The following SAMD12 variants were observed in gnomAD, a reference collection of about 807,000 sequenced individuals.
The protein encoded by SAMD12 is sterile alpha motif domain containing 12.
In SAMD12, 9 loss-of-function variants were observed where a neutral mutation model predicts 15.0. The ratio of observed to expected loss-of-function variants is 0.60; its 90% confidence interval spans 0.36 to 1.05. The LOEUF is 1.05. Ranked by LOEUF, SAMD12 falls within the 50% of genes least tolerant of loss-of-function variation. The pLI, the probability that SAMD12 is intolerant of heterozygous loss-of-function variation, is 0.01. For missense variants in SAMD12, 230 were observed against 234.2 expected (o/e 0.98, Z 0.12); for synonymous variants, 86 against 90.1 (o/e 0.96, Z 0.25).
chr8:118,360,729 G>A (rs892096526), intron 4 of SAMD12, among the ~76,000 whole-genome samples: 15 of 152,186 alleles, frequency 9.9e-5, no homozygotes, highest in Non-Finnish European at 1.5e-4. Flanking sequence ...AAAGTCTAAA[G>A]CAAACTCTAC....
chr8:118,352,109 C>T (rs1346877670), intron 4 of SAMD12, among the ~76,000 whole-genome samples: 4 of 152,182 alleles, frequency 2.6e-5, no homozygotes, highest in African/African-American at 9.7e-5. Flanking sequence ...TAACACTGTG[C>T]ACATTTACAA....
At chr8:118,544,596 T>G (rs1448942045) in intron 2 of SAMD12, among the ~76,000 whole-genome samples, 1 of 152,188 alleles carries the variant, frequency 6.6e-6, no homozygotes. Context: ...AAAATCACAC[T>G]GAAACTAAAG....
exon 5 of SAMD12, chr8:118,189,644 G>A (rs1586324181): frequency 6.6e-6 from 1 of 152,000 alleles, no homozygotes; most frequent in Non-Finnish European, 1.5e-5. Context: ...TTTTATAAGA[G>A]TCATGCCCCC....
chr8:118,152,756 C>T, the SAMD12 span, among the ~76,000 whole-genome samples: 1 of 152,128 alleles, frequency 6.6e-6, no homozygotes, highest in Non-Finnish European at 1.5e-5. Flanking sequence ...CCCTCGGCCT[C>T]CCACAGTGCT....
intron 1 of SAMD12, among the ~76,000 whole-genome samples, chr8:118,586,860 T>C (rs1827461902): frequency 2.0e-5 from 3 of 152,220 alleles, no homozygotes; most frequent in African/African-American, 7.2e-5. Context: ...AGATACTGAT[T>C]GAATCCTACT....
At chr8:118,148,589 G>A in the SAMD12 span, among the ~76,000 whole-genome samples, 1 of 151,924 alleles carries the variant, frequency 6.6e-6, no homozygotes, top group African/African-American at 2.4e-5. Context: ...AATGATTTTT[G>A]GAAAATTTAC....
chr8:118,533,993 AG>A (rs1221516349), intron 2 of SAMD12, among the ~76,000 whole-genome samples: 4 of 152,146 alleles, frequency 2.6e-5, no homozygotes, highest in Non-Finnish European at 4.4e-5. Context: ...TTATGATGTT[AG>A]CTTGTTATTT....
intron 4 of SAMD12, among the ~76,000 whole-genome samples, chr8:118,348,348 C>T (rs987344758): frequency 2.6e-5 from 4 of 151,646 alleles, no homozygotes; most frequent in African/African-American, 7.3e-5. Flanking sequence ...GGGTTACGGG[C>T]GTGAGCCACT....
intron 3 of SAMD12, chr8:118,394,781 C>G (rs1386445169): frequency 6.6e-6 from 1 of 152,038 alleles, no homozygotes; most frequent in Non-Finnish European, 1.5e-5. Context: ...CTCTTTTATC[C>G]CAGAGATTAT....
At chr8:118,411,809 T>G (rs1369226547) in intron 3 of SAMD12, among the ~76,000 whole-genome samples, 1 of 152,112 alleles carries the variant, frequency 6.6e-6, no homozygotes, top group Non-Finnish European at 1.5e-5. Flanking sequence ...AAACACTGTG[T>G]GACAATTACT....
chr8:118,253,982 T>C (rs1812874104), intron 4 of SAMD12, among the ~76,000 whole-genome samples: 1 of 152,126 alleles, frequency 6.6e-6, no homozygotes, highest in African/African-American at 2.4e-5. Context: ...GTCCATTGTA[T>C]CCAAGAAAAT....
chr8:118,379,330 C>G lies in SAMD12; in HGVS notation c.*87G>C. 13 of 1,514,390 alleles carry G rather than the reference C, an allele frequency of 8.6e-6. No homozygotes were observed. The highest frequency in any genetic ancestry group is 8.8e-7 in the Non-Finnish European group (1 of 1,135,244). 93.8% of individuals were successfully genotyped at this position (1,514,390 alleles called of 1,614,324 possible). A position where few individuals can be genotyped will look rare whatever the true frequency, so the allele number is the denominator to read the frequency against. The stretch of plus-strand genomic sequence containing the variant: ...GTACGTGACCACCTTGAAGTTAGCT[C>G]AGGTAATTCTGTTTGCTCATCCATT... On this transcript the variant is annotated 3_prime_UTR_variant, in exon 4 of 4. Transcript: ENST00000314727.
At chr8:118,205,244 T>C (rs973051977) in intron 4 of SAMD12, among the ~76,000 whole-genome samples, 1 of 152,222 alleles carries the variant, frequency 6.6e-6, no homozygotes, top group African/African-American at 2.4e-5. Context: ...CCTTCACAAT[T>C]GAATAAGCCA....
intron 4 of SAMD12, among the ~76,000 whole-genome samples, chr8:118,371,674 A>G (rs184598598): frequency 6.6e-6 from 1 of 152,310 alleles, no homozygotes; most frequent in East Asian, 1.9e-4. Context: ...GAGATGTCAG[A>G]GAAATATTCA....
At chr8:118,598,103 T>A (rs922489227) in intron 1 of SAMD12, among the ~76,000 whole-genome samples, 1 of 152,230 alleles carries the variant, frequency 6.6e-6, no homozygotes, top group African/African-American at 2.4e-5. Context: ...TAAGGTCCGA[T>A]AAATGTATGC....
chr8:118,379,430 C>T lies in SAMD12; in HGVS notation c.593G>A (p.Ser198Asn). 1 of 1,613,368 alleles carries T rather than the reference C, an allele frequency of 6.2e-7. No individual in the cohort carries two copies. The highest frequency in any genetic ancestry group is 8.5e-7 in the Non-Finnish European group (1 of 1,179,622). Residue 198 changes from serine (S) to asparagine (N), a missense_variant, in exon 4 of 4, where the codon AGT becomes AAT. Coordinates refer to ENST00000314727, the MANE Select transcript of SAMD12 (RefSeq NM_207506.3). ...FLHRISIIEN[S>N]IQI Reference sequence around the variant, plus strand: ...AGGGAAGTAATCTTAAATCTGTATACTATTTTCTATGATGGAAATTCTGTG... The same window carrying T: ...AGGGAAGTAATCTTAAATCTGTATATTATTTTCTATGATGGAAATTCTGTG...
At chr8:118,486,397 C>G (rs531318178) in intron 2 of SAMD12, among the ~76,000 whole-genome samples, 6 of 145,412 alleles carry the variant, frequency 4.1e-5, no homozygotes, top group East Asian at 2.1e-4. Flanking sequence ...GCCTGGGTGA[C>G]AGAGAGAGAA....
chr8:118,245,860 A>G (rs1563713508), intron 4 of SAMD12, among the ~76,000 whole-genome samples: 1 of 152,090 alleles, frequency 6.6e-6, no homozygotes, highest in Non-Finnish European at 1.5e-5. Context: ...GGTTAAGTTG[A>G]ATTTTGATTG....
At chr8:118,296,276 A>G (rs1403852709) in intron 4 of SAMD12, among the ~76,000 whole-genome samples, 2 of 152,138 alleles carry the variant, frequency 1.3e-5, no homozygotes, top group East Asian at 3.9e-4. Flanking sequence ...GTGATGCCCT[A>G]CACTTGTTTG....
Sources: gnomAD v4.1 joint callset for allele counts (sites outside exome capture counted in the v4.1 genomes callset) on GRCh38, gnomAD v4.1.1 for gene constraint, MANE v1.5 for transcripts, NCBI Gene and HGNC (gene_info 2026-07-23, HGNC 2026-07-21) for gene names.